The following MARCHF1 variants were observed in gnomAD, a reference collection of about 807,000 sequenced individuals.
MARCHF1 encodes membrane associated ring-CH-type finger 1.
A neutral mutation model predicts 54.2 loss-of-function variants in MARCHF1; 40 were observed. The ratio of observed to expected loss-of-function variants is 0.74; its 90% confidence interval spans 0.57 to 0.96. MARCHF1 has a LOEUF of 0.96. Among genes scored for constraint, MARCHF1 ranks in the 40% least tolerant of loss-of-function variants. The probability of loss-of-function intolerance (pLI) is 0.00; values close to 1 mark genes in which losing one functional copy is unlikely to be tolerated. For missense variants in MARCHF1, 586 were observed against 656.5 expected, an observed-to-expected ratio of 0.89 and a Z score of 1.17; for synonymous variants, 236 against 236.3, an observed-to-expected ratio of 1.00 and a Z score of 0.01.
At chr4:164,190,582 T>C (rs1246283415) in intron 1 of MARCHF1, among the ~76,000 whole-genome samples, 1 of 152,088 alleles carries the variant, frequency 6.6e-6, no homozygotes, top group Non-Finnish European at 1.5e-5. Context: ...GGGTGTGTGT[T>C]CACCTTCAAA....
chr4:164,157,212 T>C (rs1730102322), intron 1 of MARCHF1, among the ~76,000 whole-genome samples: 1 of 151,736 alleles, frequency 6.6e-6, no homozygotes, highest in Non-Finnish European at 1.5e-5. Context: ...TGTTCTCTTA[T>C]ATTAATATAT....
chr4:163,654,035 T>C lies in MARCHF1; in HGVS notation c.163-40642A>G, dbSNP rs529371335. On this transcript the variant is annotated intron_variant, in intron 5 of 9. Transcript: ENST00000514618. ...AAAGATAAATCATTAAGAACCACCA[T>C]GAATAGAAATCAGTCTGGTGGGAGG... Among the ~76,000 whole-genome samples, 15 of 151,784 alleles carry C rather than the reference T, an allele frequency of 9.9e-5. No individual in the cohort carries two copies. The South Asian group carries it at 3.1e-3, about 31-fold the overall frequency.
chr4:163,981,602 T>TG (rs1206462593), intron 3 of MARCHF1, among the ~76,000 whole-genome samples: 1 of 152,148 alleles, frequency 6.6e-6, no homozygotes, highest in Non-Finnish European at 1.5e-5. Flanking sequence ...GGGAATGAGC[T>TG]GGGGGGAAAG....
At chr4:163,759,778 T>G (rs1746779554) in intron 4 of MARCHF1, among the ~76,000 whole-genome samples, 1 of 152,212 alleles carries the variant, frequency 6.6e-6, no homozygotes, top group Non-Finnish European at 1.5e-5. Context: ...CCTTATGATT[T>G]TCTCAATATG....
chr4:163,772,715 C>T (rs1192013468), intron 4 of MARCHF1, among the ~76,000 whole-genome samples: 1 of 148,906 alleles, frequency 6.7e-6, no homozygotes, highest in African/African-American at 2.5e-5. Context: ...AAGAAAAGCC[C>T]TGCTTTAAAG....
intron 4 of MARCHF1, among the ~76,000 whole-genome samples, chr4:163,833,623 A>T (rs1579324258): frequency 6.6e-6 from 1 of 152,244 alleles, no homozygotes; most frequent in African/African-American, 2.4e-5. Context: ...AAAAATGCTC[A>T]TCATCACCGG....
At chr4:163,543,899 G>A (rs1170067076) in intron 9 of MARCHF1, among the ~76,000 whole-genome samples, 1 of 152,138 alleles carries the variant, frequency 6.6e-6, no homozygotes, top group Non-Finnish European at 1.5e-5. Context: ...TTACTACAAA[G>A]AGGCCAAGTG....
chr4:164,271,768 T>C (rs947715239), intron 1 of MARCHF1, among the ~76,000 whole-genome samples: 4 of 152,162 alleles, frequency 2.6e-5, no homozygotes, highest in African/African-American at 4.8e-5. Flanking sequence ...TGGTAGGTCA[T>C]AGAACCAAGA....
chr4:164,262,368 C>A (rs1303902273), intron 1 of MARCHF1, among the ~76,000 whole-genome samples: 1 of 152,054 alleles, frequency 6.6e-6, no homozygotes, highest in Admixed American at 6.6e-5. Flanking sequence ...CATGTTTAAG[C>A]AAATGCATTG....
At chr4:164,081,076 C>T (rs1579517456) in intron 2 of MARCHF1, among the ~76,000 whole-genome samples, 2 of 147,572 alleles carry the variant, frequency 1.4e-5, no homozygotes, top group Non-Finnish European at 3.0e-5. Flanking sequence ...GGAGCGGTGG[C>T]GGGCTCCTGT....
intron 3 of MARCHF1, among the ~76,000 whole-genome samples, chr4:163,987,538 C>T (rs529083179): frequency 1.3e-5 from 2 of 152,234 alleles, no homozygotes; most frequent in South Asian, 4.2e-4. Context: ...TTGTCTGCTG[C>T]TCCCTCTGTC....
At chr4:164,090,556 T>A (rs1023769912) in intron 2 of MARCHF1, among the ~76,000 whole-genome samples, 1 of 151,772 alleles carries the variant, frequency 6.6e-6, no homozygotes, top group Non-Finnish European at 1.5e-5. Flanking sequence ...CTGAATCTCT[T>A]TTTATAGCTT....
chr4:163,805,938 T>C (rs577187206), intron 4 of MARCHF1, among the ~76,000 whole-genome samples: 1 of 152,188 alleles, frequency 6.6e-6, no homozygotes, highest in Non-Finnish European at 1.5e-5. Flanking sequence ...ATATTAGACA[T>C]CTTGATTCTC....
intron 2 of MARCHF1, among the ~76,000 whole-genome samples, chr4:164,058,617 C>T (rs1216558605): frequency 6.6e-6 from 1 of 152,178 alleles, no homozygotes; most frequent in Non-Finnish European, 1.5e-5. Flanking sequence ...AGGTGTGGAT[C>T]ACACATGACC....
intron 2 of MARCHF1, among the ~76,000 whole-genome samples, chr4:164,016,194 G>A (rs1753539368): frequency 1.3e-5 from 2 of 152,182 alleles, no homozygotes; most frequent in Non-Finnish European, 2.9e-5. Context: ...AGTTCCATAT[G>A]GCTGGGGAGG....
At position 163,934,576 on chromosome 4, in the gene MARCHF1, T is replaced by TAA. The variant is rs551026107; in HGVS notation, c.-39+53923_-39+53924dup. On this transcript the variant is annotated intron_variant, in intron 3 of 9. Coordinates refer to ENST00000514618, the MANE Select transcript of MARCHF1 (RefSeq NM_001394959.1). ...TCCATCTCTAAAAACTCTTTTTAAG[T>TAA]AAAAAAAAAAAAAAAAAAAAAAAAA... Among the ~76,000 whole-genome samples, 76 of 77,914 alleles carry TAA rather than the reference T, an allele frequency of 9.8e-4. 1 individual carries two copies. Among genetic ancestry groups the TAA allele is most frequent in the South Asian group, 1.8e-3 (3 of 1,672 alleles). 51.1% of individuals were successfully genotyped at this position (77,914 alleles called of 152,430 possible). A position where few individuals can be genotyped will look rare whatever the true frequency, so the allele number is the denominator to read the frequency against.
At chr4:164,100,920 C>T (rs1022268396) in intron 2 of MARCHF1, among the ~76,000 whole-genome samples, 5 of 152,022 alleles carry the variant, frequency 3.3e-5, no homozygotes, top group Admixed American at 2.0e-4. Context: ...GTGCGCGAGC[C>T]GAAGTAGGGC....
Position 163,585,855 on chromosome 4 carries a change from A to G in MARCHF1, c.1085T>C (p.Val362Ala). Residue 362 changes from valine (V) to alanine (A), a missense_variant, in exon 8 of 10, where the codon GTC (valine) becomes GCC (alanine). Coordinates refer to ENST00000514618, the MANE Select transcript of MARCHF1 (RefSeq NM_001394959.1). ...PCRCTGTLRFVHQSCLHQWIK... is the reference protein window; with the variant it reads ...PCRCTGTLRFAHQSCLHQWIK... The stretch of plus-strand genomic sequence containing the variant: ...CCACTGGTGGAGGCAGGACTGGTGG[A>G]CAAAGCGCAGTGTCCCAGTGCAGCG... 6.2e-7 allele frequency: 1 copy of G among 1,614,052 alleles called. No homozygotes were observed.
intron 3 of MARCHF1, among the ~76,000 whole-genome samples, chr4:163,985,447 A>G (rs1752843671): frequency 6.6e-6 from 1 of 152,210 alleles, no homozygotes; most frequent in African/African-American, 2.4e-5. Flanking sequence ...AAAATATGTC[A>G]AAATATATTT....
Sources: gnomAD v4.1 joint callset for allele counts (sites outside exome capture counted in the v4.1 genomes callset) on GRCh38, gnomAD v4.1.1 for gene constraint, MANE v1.5 for transcripts, NCBI Gene and HGNC (gene_info 2026-07-23, HGNC 2026-07-21) for gene names.